HCN1: variants seen among roughly 807,000 people sequenced by gnomAD.
HCN1 encodes the protein hyperpolarization activated cyclic nucleotide gated potassium channel 1.
Under a neutral mutation model 78.9 loss-of-function variants are expected in HCN1, and 13 were observed. That is an observed-to-expected ratio of 0.16 (90% confidence interval 0.11 to 0.26). The LOEUF (loss-of-function observed/expected upper bound fraction) is 0.26. Ranked by LOEUF, HCN1 falls within the 10% of genes least tolerant of loss-of-function variation. HCN1 has a pLI of 1.00. For missense variants in HCN1, 810 were observed against 1,154.3 expected (o/e 0.70, Z 4.32); for synonymous variants, 552 against 455.5 (o/e 1.21, Z -2.70).
intron 2 of HCN1, among the ~76,000 whole-genome samples, chr5:45,508,571 G>A (rs999430500): frequency 3.3e-5 from 5 of 152,012 alleles, no homozygotes; most frequent in African/African-American, 1.2e-4. Flanking sequence ...AAAAGACAAA[G>A]GGTATGTCCT....
intron 3 of HCN1, among the ~76,000 whole-genome samples, chr5:45,461,196 G>T (rs1046777180): frequency 6.6e-6 from 1 of 151,916 alleles, no homozygotes; most frequent in African/African-American, 2.4e-5. Context: ...TTTTGTGAGT[G>T]TTGAGTGTTG....
chr5:45,587,857 G>T (rs1437456636), intron 2 of HCN1, among the ~76,000 whole-genome samples: 1 of 152,084 alleles, frequency 6.6e-6, no homozygotes, highest in African/African-American at 2.4e-5. Flanking sequence ...GATGTAATTA[G>T]TTCATGAGGT....
At chr5:45,324,809 G>A (rs966798847) in intron 5 of HCN1, among the ~76,000 whole-genome samples, 11 of 151,666 alleles carry the variant, frequency 7.3e-5, no homozygotes, top group Admixed American at 2.6e-4. Context: ...TAATCTCTAC[G>A]CTGACTACAC....
intron 2 of HCN1, among the ~76,000 whole-genome samples, chr5:45,495,498 G>T (rs1253305475): frequency 6.6e-6 from 1 of 151,654 alleles, no homozygotes; most frequent in Admixed American, 6.6e-5. Flanking sequence ...AGGAGATTTT[G>T]GGCTGAGACA....
intron 2 of HCN1, among the ~76,000 whole-genome samples, chr5:45,536,967 A>C (rs1479394656): frequency 1.3e-5 from 2 of 152,208 alleles, no homozygotes; most frequent in Non-Finnish European, 2.9e-5. Flanking sequence ...CTCAACCAGC[A>C]TGCATAATTT....
intron 2 of HCN1, among the ~76,000 whole-genome samples, chr5:45,490,186 G>A (rs948329550): frequency 3.9e-5 from 6 of 152,084 alleles, no homozygotes; most frequent in Non-Finnish European, 8.8e-5. Flanking sequence ...AAACTGCAAG[G>A]AAATTCACTA....
chr5:45,589,556 T>C (rs1271846570), intron 2 of HCN1, among the ~76,000 whole-genome samples: 1 of 152,186 alleles, frequency 6.6e-6, no homozygotes, highest in East Asian at 1.9e-4. Context: ...TGGTTGATTA[T>C]GAACAAAATT....
At chr5:45,555,768 A>G (rs1743455978) in intron 2 of HCN1, among the ~76,000 whole-genome samples, 1 of 151,886 alleles carries the variant, frequency 6.6e-6, no homozygotes, top group African/African-American at 2.4e-5. Flanking sequence ...GAGCAAAAAG[A>G]ACAAAACTGG....
chr5:45,638,290 A>G (rs1346120378), intron 2 of HCN1, among the ~76,000 whole-genome samples: 1 of 152,174 alleles, frequency 6.6e-6, no homozygotes, highest in African/African-American at 2.4e-5. Context: ...GCAACTGGGT[A>G]TATAATTTAG....
intron 2 of HCN1, among the ~76,000 whole-genome samples, chr5:45,508,242 G>A (rs1045553844): frequency 1.3e-5 from 2 of 152,068 alleles, no homozygotes; most frequent in Non-Finnish European, 2.9e-5. Context: ...CTCCAAGTAC[G>A]ATTACAGAAA....
intron 4 of HCN1, among the ~76,000 whole-genome samples, chr5:45,374,005 A>ATACATAATATATATAATATATATTATG (rs1747512168): frequency 2.2e-5 from 2 of 92,114 alleles, no homozygotes; most frequent in African/African-American, 1.1e-4. Context: ...TATATATTAT[A>ATACATAATATATATAATATATATTATG]TACATAATAT....
intron 1 of HCN1, among the ~76,000 whole-genome samples, chr5:45,653,319 C>A (rs1311600622): frequency 2.0e-5 from 3 of 152,032 alleles, no homozygotes; most frequent in Admixed American, 2.0e-4. Context: ...GTCCCAAATG[C>A]CTATCGTAAT....
intron 1 of HCN1, among the ~76,000 whole-genome samples, chr5:45,653,268 T>G (rs1454392263): frequency 2.6e-5 from 4 of 152,048 alleles, no homozygotes; most frequent in Admixed American, 2.6e-4. Context: ...CAGAACTCCC[T>G]TTCACCTGAT....
intron 2 of HCN1, among the ~76,000 whole-genome samples, chr5:45,537,558 A>G (rs1463371122): frequency 1.2e-4 from 1 of 8,090 alleles, no homozygotes; most frequent in African/African-American, 2.5e-4. Flanking sequence ...TTTTTTTTTG[A>G]GACAGAGTTT....
At chr5:45,562,790 C>T (rs1016701464) in intron 2 of HCN1, among the ~76,000 whole-genome samples, 25 of 152,212 alleles carry the variant, frequency 1.6e-4, no homozygotes, top group African/African-American at 5.8e-4. Context: ...TACGCAAAAC[C>T]CTCTTGAATA....
At chr5:45,514,324 A>G (rs952950769) in intron 2 of HCN1, among the ~76,000 whole-genome samples, 1 of 152,052 alleles carries the variant, frequency 6.6e-6, no homozygotes, top group Non-Finnish European at 1.5e-5. Flanking sequence ...TATTGCCACA[A>G]TCATCCCTTA....
intron 5 of HCN1, among the ~76,000 whole-genome samples, chr5:45,314,932 C>T (rs1215548874): frequency 6.6e-6 from 1 of 152,140 alleles, no homozygotes; most frequent in African/African-American, 2.4e-5. Context: ...TAGAGACCTA[C>T]AAAGAGACCT....
chr5:45,417,144 T>C (rs901381632), intron 3 of HCN1, among the ~76,000 whole-genome samples: 4 of 151,986 alleles, frequency 2.6e-5, no homozygotes, highest in African/African-American at 7.2e-5. Flanking sequence ...ATGTAGTGTG[T>C]AGCCATTAAA....
At chr5:45,373,896 C>T (rs1747505131) in intron 4 of HCN1, among the ~76,000 whole-genome samples, 2 of 129,936 alleles carry the variant, frequency 1.5e-5, no homozygotes, top group African/African-American at 2.9e-5. Context: ...TATATGTCAT[C>T]TATAATATAT....
Sources: gnomAD v4.1 joint callset for allele counts (sites outside exome capture counted in the v4.1 genomes callset) on GRCh38, gnomAD v4.1.1 for gene constraint, MANE v1.5 for transcripts, NCBI Gene and HGNC (gene_info 2026-07-23, HGNC 2026-07-21) for gene names.